Variants in SVOPL observed in about 807,000 individuals in gnomAD.
The protein encoded by SVOPL is putative transporter SVOPL.
In SVOPL, 60 loss-of-function variants were observed where a neutral mutation model predicts 61.0. The observed-to-expected ratio is 0.98, with a 90% CI of 0.80 to 1.22. SVOPL has a LOEUF of 1.22. SVOPL is among the 50% of genes most tolerant of loss of function. The pLI, the probability that SVOPL is intolerant of heterozygous loss-of-function variation, is 0.00. For synonymous variants in SVOPL, 279 were observed against 250.0 expected (o/e 1.12, Z -1.09); for missense variants, 662 against 643.9 (o/e 1.03, Z -0.30).
rs181963089 is a variant in SVOPL at position 138,646,194 on chromosome 7, G to A, written c.661-1349C>T. The A allele has an allele frequency of 1.3e-3, 226 of 178,636 alleles. 2 individuals are homozygous for A. Among genetic ancestry groups the A allele is most frequent in the Non-Finnish European group, 1.2e-4 (10 of 84,574 alleles). 11.1% of individuals were successfully genotyped at this position (178,636 alleles called of 1,614,324 possible). On this transcript the variant is annotated intron_variant, in intron 8 of 15. Transcript: ENST00000674285. ...AGAGTGCTTAGTGTACTCAATATGC[G>A]CATCAATTCCCTTGACAAGAATCTG...
At chr7:138,600,877 T>C (rs1481233048) in intron 14 of SVOPL, among the ~76,000 whole-genome samples, 2 of 152,168 alleles carry the variant, frequency 1.3e-5, no homozygotes, top group Non-Finnish European at 1.5e-5. Context: ...AAAGCCACTA[T>C]GGAAAATCCT....
At chr7:138,657,903 G>T (rs73460934) in intron 6 of SVOPL, among the ~76,000 whole-genome samples, 13,696 of 152,144 alleles carry the variant, frequency 0.09, 1,085 homozygotes, top group African/African-American at 0.2. Flanking sequence ...GCAACTGAGG[G>T]TTCCTCCCTA....
At chr7:138,628,562 TAGGAGC>T (rs1297315308) in intron 10 of SVOPL, among the ~76,000 whole-genome samples, 199 bp from the exon 11 acceptor site, 10 of 152,212 alleles carry the variant, frequency 6.6e-5, no homozygotes, top group Admixed American at 1.3e-4. Flanking sequence ...GGTGTAAACC[TAGGAGC>T]AGAATTGCCG....
intron 4 of SVOPL, among the ~76,000 whole-genome samples, chr7:138,665,413 C>A (rs955638777): frequency 6.6e-6 from 1 of 151,590 alleles, no homozygotes; most frequent in Admixed American, 6.6e-5. Context: ...ATGGGCTAAG[C>A]CAAGACAGGA....
At chr7:138,677,046 G>A (rs1320193653) in intron 3 of SVOPL, among the ~76,000 whole-genome samples, 1 of 151,956 alleles carries the variant, frequency 6.6e-6, no homozygotes, top group Admixed American at 6.6e-5. Flanking sequence ...TGGGACTACA[G>A]GCGCCCGCCA....
In SVOPL at chr7:138,644,197, CAAAAAAAAAAAAAAAAA is replaced by C. The variant is rs71179714; in HGVS notation, c.789+503_789+519del. ...GCCTGGTGACAGAGCAAGACTCCATCAAAAAAAAAAAAAAAAAAAAAAAAAAAAAGGAACTCTCTGCT... is the reference window on the plus strand; with the variant it reads ...GCCTGGTGACAGAGCAAGACTCCATCAAAAAAAAAAAAGGAACTCTCTGCT... On this transcript the variant is annotated intron_variant, in intron 9 of 15. Transcript: ENST00000674285. 2.2e-4 allele frequency among the ~76,000 whole-genome samples: 11 copies of C among 50,412 alleles called. No individual in the cohort carries two copies. The South Asian group carries it at 5.7e-3, about 26-fold the overall frequency. 33.1% of individuals were successfully genotyped at this position (50,412 alleles called of 152,430 possible).
chr7:138,652,374 T>C (rs547307703), intron 7 of SVOPL, among the ~76,000 whole-genome samples: 178 of 151,838 alleles, frequency 1.2e-3, no homozygotes, highest in Non-Finnish European at 2.2e-3. Flanking sequence ...TTTTGTAGAC[T>C]TGGGGCCTCA....
Position 138,645,208 on chromosome 7 carries a change from C to T in SVOPL, c.661-363G>A, listed in dbSNP as rs149470270. 1.9e-3 allele frequency among the ~76,000 whole-genome samples: 282 copies of T among 152,232 alleles called. 2 individuals are homozygous for T. Among genetic ancestry groups the T allele is most frequent in the Non-Finnish European group, 3.5e-3 (238 of 68,030 alleles). On this transcript the variant is annotated intron_variant, in intron 8 of 15. Coordinates refer to ENST00000674285, the MANE Select transcript of SVOPL (RefSeq NM_001139456.2). ...CTCTCCAGGAACCCCAGGACCTCCC[C>T]ACCATGCAACCACCAAAGGGTGACA...
chr7:138,606,810 C>T (rs1292757613), intron 14 of SVOPL, among the ~76,000 whole-genome samples: 1 of 151,976 alleles, frequency 6.6e-6, no homozygotes, highest in Non-Finnish European at 1.5e-5. Flanking sequence ...AAAAATGAGC[C>T]GGGCGTGGTG....
chr7:138,609,650 C>A (rs1417261014), intron 14 of SVOPL, among the ~76,000 whole-genome samples: 1 of 150,832 alleles, frequency 6.6e-6, no homozygotes, highest in Non-Finnish European at 1.5e-5. Context: ...CAGAGTGAGA[C>A]CCTGTCTTAA....
At position 138,665,504 on chromosome 7, in the gene SVOPL, G is replaced by A. The variant is rs1433385219; in HGVS notation, c.274-2359C>T. ...GAGAGAAGTCTTCTGAGCTGTGATGGCCTAATGAGGGAGATTGTGTACCTG... is the reference window on the plus strand; with the variant it reads ...GAGAGAAGTCTTCTGAGCTGTGATGACCTAATGAGGGAGATTGTGTACCTG... On this transcript the variant is annotated intron_variant, in intron 4 of 15. Coordinates refer to ENST00000674285, the MANE Select transcript of SVOPL (RefSeq NM_001139456.2). Among the ~76,000 whole-genome samples, 3 of 152,042 alleles carry A rather than the reference G, an allele frequency of 2.0e-5. No homozygotes were observed. In the South Asian group the frequency reaches 6.2e-4, roughly 32 times the overall value.
intron 4 of SVOPL, chr7:138,664,364 C>T: frequency 2.2e-6 from 1 of 444,596 alleles, no homozygotes; most frequent in Non-Finnish European, 3.0e-6. Context: ...GCGCCTAACC[C>T]TCCAACGCCC....
At position 138,672,044 on chromosome 7, in the gene SVOPL, T is replaced by C; in HGVS notation, c.248A>G (p.Asn83Ser). ...CGTGGTTACTAATGCCACCTGCCAA[T>C]TCTCCAGTTGCCATTCACAGCGGAT... ...PVIRCEWQLENWQVALVTTMV... is the reference protein window; with the variant it reads ...PVIRCEWQLESWQVALVTTMV... The change falls in exon 4 of 16, where the codon AAT (asparagine) becomes AGT (serine). Residue 83 changes from asparagine to serine, a missense_variant. By Grantham distance (46) the Asn-to-Ser change is conservative. Transcript: ENST00000674285. 6.4e-7 allele frequency: 1 copy of C among 1,551,668 alleles called. No individual in the cohort carries two copies. The highest frequency in any genetic ancestry group is 1.2e-5 in the South Asian group (1 of 84,042).
At chr7:138,654,868 C>CTTTT (rs34598728) in intron 7 of SVOPL, among the ~76,000 whole-genome samples, 8 of 135,274 alleles carry the variant, frequency 5.9e-5, no homozygotes, top group African/African-American at 2.3e-4. Context: ...GTTTCACTTC[C>CTTTT]TTTTTTTTTT....
At chr7:138,643,005 T>C (rs1800903912) in intron 9 of SVOPL, among the ~76,000 whole-genome samples, 1 of 152,066 alleles carries the variant, frequency 6.6e-6, no homozygotes, top group Non-Finnish European at 1.5e-5. Context: ...CCTTGTGCAC[T>C]GTTGGTGGGA....
At chr7:138,612,423 ATAAAATAAAAAAT>A (rs1799081241) in intron 14 of SVOPL, among the ~76,000 whole-genome samples, 3 of 18,518 alleles carry the variant, frequency 1.6e-4, no homozygotes, top group Non-Finnish European at 2.9e-4. Flanking sequence ...AAAAAAAAAA[ATAAAATAAAAAAT>A]AAAAAAAAAA....
chr7:138,682,171 T>C (rs1802713601), intron 1 of SVOPL, among the ~76,000 whole-genome samples: 1 of 152,124 alleles, frequency 6.6e-6, no homozygotes, highest in South Asian at 2.1e-4. Flanking sequence ...TTTTGCACCT[T>C]CTAAAAAAAT....
chr7:138,663,383 T>C, intron 4 of SVOPL: 1 of 1,389,038 alleles, frequency 7.2e-7, no homozygotes, highest in South Asian at 1.6e-5. Flanking sequence ...CGGGGTCCTC[T>C]GCCGCCCGCT....
chr7:138,697,324 A>AAAAATTGCCAG (rs1803083991), intron 1 of SVOPL, among the ~76,000 whole-genome samples: 1 of 152,186 alleles, frequency 6.6e-6, no homozygotes, highest in Non-Finnish European at 1.5e-5. Context: ...AAAATTGCCA[A>AAAAATTGCCAG]AAAAATACAG....
Sources: allele counts gnomAD v4.1 joint callset (sites outside exome capture counted in the v4.1 genomes callset), GRCh38; gene constraint gnomAD v4.1.1; transcripts MANE v1.5; gene names NCBI Gene and HGNC (gene_info 2026-07-23, HGNC 2026-07-21).